LRBA: variants seen among roughly 807,000 people sequenced by gnomAD.
LRBA encodes lipopolysaccharide-responsive and beige-like anchor protein.
Under a neutral mutation model 330.0 loss-of-function variants are expected in LRBA, and 176 were observed. That is an observed-to-expected ratio of 0.53 (90% CI 0.47 to 0.60). The LOEUF is 0.60. LRBA is among the 20% of genes least tolerant of loss of function. The pLI, the probability that LRBA is intolerant of heterozygous loss-of-function variation, is 0.00. For synonymous variants in LRBA, 1,230 were observed against 1,193.0 expected (o/e 1.03, Z -0.64); for missense variants, 3,259 against 3,444.8 (o/e 0.95, Z 1.35).
chr4:150,817,559 A>G (rs1744784055), intron 30 of LRBA, among the ~76,000 whole-genome samples: 2 of 151,990 alleles, frequency 1.3e-5, no homozygotes, highest in African/African-American at 4.8e-5. Flanking sequence ...AACCAAAAGT[A>G]TTAAAGCAGA....
intron 2 of LRBA, among the ~76,000 whole-genome samples, chr4:150,959,679 TACAAAATTAATGA>T (rs1737921170): frequency 6.7e-6 from 1 of 148,288 alleles, no homozygotes; most frequent in Non-Finnish European, 1.5e-5. Flanking sequence ...GGCTGTTACT[TACAAAATTAATGA>T]ATAAAAGGAA....
chr4:150,539,058 C>T (rs1232900213), intron 40 of LRBA, among the ~76,000 whole-genome samples: 2 of 152,048 alleles, frequency 1.3e-5, no homozygotes, highest in East Asian at 3.9e-4. Flanking sequence ...TCACTGCAAC[C>T]TCTGCCTCCT....
chr4:150,824,056 T>C (rs1002121553), intron 30 of LRBA, among the ~76,000 whole-genome samples: 1 of 152,200 alleles, frequency 6.6e-6, no homozygotes, highest in African/African-American at 2.4e-5. Context: ...ATTCTTCCAA[T>C]CCATGAATAT....
At chr4:150,979,184 C>T (rs1468184152) in intron 2 of LRBA, among the ~76,000 whole-genome samples, 10 of 152,126 alleles carry the variant, frequency 6.6e-5, no homozygotes, top group Non-Finnish European at 1.0e-4. Flanking sequence ...CCAATACATC[C>T]GGCAGCTGAC....
rs1168934731 is a variant in LRBA at position 150,735,258 on chromosome 4, C to T, written c.5754G>A (p.Glu1918=). The T allele has an allele frequency of 1.2e-6, 2 of 1,610,644 alleles. No homozygotes were observed. Among genetic ancestry groups the T allele is most frequent in the Admixed American group, 1.7e-5 (1 of 59,962 alleles). The change falls in exon 36 of 57, where the codon GAG becomes GAA. Residue 1918 remains glutamate, a splice_region_variant and synonymous_variant. Transcript: ENST00000651943. The part of the protein sequence containing the change: ...AEDIHRHAEF[E]SLCAQYSADK... ...CACACCAACCATATGTGTAACCTAC[C>T]TCAAATTCCGCATGTCTGTGAATAT...
chr4:150,447,853 C>T (rs1355243805), intron 44 of LRBA, among the ~76,000 whole-genome samples: 1 of 152,190 alleles, frequency 6.6e-6, no homozygotes, highest in Admixed American at 6.5e-5. Context: ...TATGGTTCCA[C>T]CATCCACACT....
intron 36 of LRBA, among the ~76,000 whole-genome samples, chr4:150,727,077 T>TG (rs998281325): frequency 1.5e-5 from 2 of 134,242 alleles, no homozygotes; most frequent in Non-Finnish European, 3.2e-5. Flanking sequence ...GTTTTTTTTT[T>TG]TTTTTTTTTT....
intron 40 of LRBA, among the ~76,000 whole-genome samples, chr4:150,549,324 TTTTA>T (rs1766265067): frequency 6.6e-6 from 1 of 151,704 alleles, no homozygotes; most frequent in Non-Finnish European, 1.5e-5. Context: ...TTTTATTTTA[TTTTA>T]TTTTATTTTT....
chr4:150,707,104 T>A (rs1785702644), intron 36 of LRBA, among the ~76,000 whole-genome samples: 1 of 151,886 alleles, frequency 6.6e-6, no homozygotes, highest in South Asian at 2.1e-4. Context: ...TTTGAGTGCA[T>A]ATGCATAAAG....
intron 14 of LRBA, among the ~76,000 whole-genome samples, chr4:150,898,742 T>G (rs1195966216): frequency 2.0e-5 from 3 of 152,086 alleles, no homozygotes; most frequent in Non-Finnish European, 4.4e-5. Flanking sequence ...ACTAATCAGT[T>G]ATAAAAGGCA....
intron 36 of LRBA, among the ~76,000 whole-genome samples, chr4:150,700,255 T>A (rs1233043653): frequency 6.6e-6 from 1 of 152,144 alleles, no homozygotes; most frequent in Non-Finnish European, 1.5e-5. Context: ...TAGTCATGCA[T>A]GGCTTAATGA....
intron 35 of LRBA, among the ~76,000 whole-genome samples, chr4:150,736,725 T>C (rs940441313): frequency 2.6e-5 from 4 of 152,164 alleles, no homozygotes; most frequent in African/African-American, 9.7e-5. Context: ...GAAAAAACAC[T>C]GAGCCATATG....
At chr4:150,980,280 C>T (rs1394900270) in intron 2 of LRBA, among the ~76,000 whole-genome samples, 1 of 151,940 alleles carries the variant, frequency 6.6e-6, no homozygotes, top group African/African-American at 2.4e-5. Context: ...AATGTCTCAC[C>T]GTGACAAAAA....
chr4:150,902,253 A>G (rs900293182), intron 13 of LRBA, among the ~76,000 whole-genome samples: 1 of 152,216 alleles, frequency 6.6e-6, no homozygotes, highest in Non-Finnish European at 1.5e-5. Context: ...ATAGACAGAC[A>G]GAATACAAGA....
chr4:150,803,425 T>C (rs1230312402), intron 33 of LRBA, among the ~76,000 whole-genome samples: 1 of 152,100 alleles, frequency 6.6e-6, no homozygotes, highest in African/African-American at 2.4e-5. Flanking sequence ...TCATAGATAC[T>C]ATACTTACTA....
At chr4:150,506,867 A>G (rs1402117619) in intron 40 of LRBA, among the ~76,000 whole-genome samples, 1 of 152,266 alleles carries the variant, frequency 6.6e-6, no homozygotes, top group East Asian at 1.9e-4. Context: ...GCTGATAAGC[A>G]ACTTCAGCAA....
chr4:150,296,841 TC>T (rs1729033893), intron 53 of LRBA, among the ~76,000 whole-genome samples: 1 of 152,164 alleles, frequency 6.6e-6, no homozygotes, highest in Admixed American at 6.5e-5. Context: ...ACTATGTTGT[TC>T]CAGGAAGCTT....
chr4:150,490,101 A>G (rs1758720486), intron 41 of LRBA, among the ~76,000 whole-genome samples: 1 of 151,648 alleles, frequency 6.6e-6, no homozygotes, highest in African/African-American at 2.4e-5. Context: ...TTAGAAGAAG[A>G]GGTATGTGCC....
chr4:150,935,190 A>G (rs961144791), intron 2 of LRBA, among the ~76,000 whole-genome samples: 4 of 151,818 alleles, frequency 2.6e-5, no homozygotes, highest in Admixed American at 6.6e-5. Context: ...AAAAAAAAAA[A>G]AAGAAGAAAA....
Sources: allele counts gnomAD v4.1 joint callset (sites outside exome capture counted in the v4.1 genomes callset), GRCh38; gene constraint gnomAD v4.1.1; transcripts MANE v1.5; gene names NCBI Gene and HGNC (gene_info 2026-07-23, HGNC 2026-07-21).